The following LIN54 variants were observed in gnomAD, a reference collection of about 807,000 sequenced individuals.
LIN54 encodes lin-54 DREAM MuvB core complex component, also known as protein lin-54 homolog.
In LIN54, 9 loss-of-function variants were observed where a neutral mutation model predicts 78.7. The observed-to-expected ratio is 0.11, with a 90% CI of 0.07 to 0.20. The LOEUF is 0.20. Ranked by LOEUF, LIN54 falls within the 10% of genes least tolerant of loss-of-function variation. The pLI, the probability that LIN54 is intolerant of heterozygous loss-of-function variation, is 1.00. For synonymous variants in LIN54, 269 were observed against 318.4 expected (o/e 0.84, Z 1.65); for missense variants, 573 against 889.9 (o/e 0.64, Z 4.53).
chr4:82,976,738 T>A (rs888013596), intron 3 of LIN54, among the ~76,000 whole-genome samples: 8 of 152,126 alleles, frequency 5.3e-5, no homozygotes, highest in African/African-American at 1.9e-4. Flanking sequence ...GGAAAAAGAC[T>A]GCAGTCTTAG....
At chr4:82,967,950 C>T (rs544615686) in intron 4 of LIN54, among the ~76,000 whole-genome samples, 17 of 152,154 alleles carry the variant, frequency 1.1e-4, no homozygotes, top group Non-Finnish European at 2.1e-4. Context: ...CTCACCTGAA[C>T]GATAGATAAG....
chr4:82,971,760 A>T (rs1335441537), intron 3 of LIN54, among the ~76,000 whole-genome samples: 1 of 152,204 alleles, frequency 6.6e-6, no homozygotes, highest in Admixed American at 6.5e-5. Context: ...GTGAGTTTCT[A>T]GTCACTAAAG....
chr4:82,970,605 T>C, intron 3 of LIN54, 136 bp from the exon 4 acceptor site: 1 of 762,576 alleles, frequency 1.3e-6, no homozygotes, highest in Non-Finnish European at 2.1e-6. Context: ...GAGGCACTAA[T>C]GAACTATGGT....
intron 3 of LIN54, among the ~76,000 whole-genome samples, chr4:82,977,627 G>A (rs933596484): frequency 6.6e-6 from 1 of 152,128 alleles, no homozygotes; most frequent in Non-Finnish European, 1.5e-5. Flanking sequence ...GTTGCCTACC[G>A]CTATGTTGTA....
chr4:82,950,596 A>G (rs185028439), intron 4 of LIN54, among the ~76,000 whole-genome samples: 8 of 152,336 alleles, frequency 5.3e-5, no homozygotes, highest in Admixed American at 2.0e-4. Context: ...AGTTATCTCT[A>G]TTTCCTGAAT....
intron 4 of LIN54, among the ~76,000 whole-genome samples, chr4:82,947,235 A>ATATTTTTTTTTTTT: frequency 7.9e-4 from 35 of 44,290 alleles, no homozygotes; most frequent in East Asian, 3.0e-3. Context: ...ATATATATAT[A>ATATTTTTTTTTTTT]TTTTTTTTTT....
At position 83,010,807 on chromosome 4, in the gene LIN54, C is replaced by A; in HGVS notation, c.-356G>T. On this transcript the variant is annotated 5_prime_UTR_variant, in exon 1 of 13. Transcript: ENST00000340417. ...ACAGCCGGAGCCCGGGCCGCCGCCGCCGCCGCCACCACCAGTAACCTCCCC... is the reference window on the plus strand; with the variant it reads ...ACAGCCGGAGCCCGGGCCGCCGCCGACGCCGCCACCACCAGTAACCTCCCC... The A allele has an allele frequency of 8.1e-7, 1 of 1,234,804 alleles. No homozygotes were observed. Among genetic ancestry groups the A allele is most frequent in the Admixed American group, 4.2e-5 (1 of 23,734 alleles). The allele number at this position is 1,234,804 out of a possible 1,614,324, so 76.5% of individuals were successfully genotyped here.
chr4:82,967,488 A>G (rs1401143606), intron 4 of LIN54, among the ~76,000 whole-genome samples: 1 of 152,236 alleles, frequency 6.6e-6, no homozygotes, highest in African/African-American at 2.4e-5. Flanking sequence ...ACTGGGTTCT[A>G]GAAGTTTCCC....
At chr4:82,971,038 C>T (rs77447614) in intron 3 of LIN54, among the ~76,000 whole-genome samples, 1,828 of 152,234 alleles carry the variant, frequency 0.012, 36 homozygotes, top group African/African-American at 0.042. Context: ...TGGACAAGAC[C>T]CTTCAGGAAC....
chr4:83,009,896 G>A (rs1471142960), intron 1 of LIN54, among the ~76,000 whole-genome samples: 1 of 152,176 alleles, frequency 6.6e-6, no homozygotes, highest in East Asian at 1.9e-4. Context: ...GGCGGGGGCA[G>A]GAGGGTGAGT....
At chr4:83,011,983 GA>G, upstream of LIN54, 13 of 971,784 alleles carry the variant, frequency 1.3e-5, no homozygotes, top group South Asian at 6.2e-4. Flanking sequence ...GAGTAAGGTT[GA>G]AGTTGAAGTT....
intron 11 of LIN54, among the ~76,000 whole-genome samples, chr4:82,935,675 ATAT>A (rs1308818789): frequency 3.9e-5 from 6 of 152,070 alleles, no homozygotes; most frequent in Non-Finnish European, 8.8e-5. Flanking sequence ...ATCCACTTTG[ATAT>A]TATTTTTATT....
chr4:82,937,350 ATTAAT>A, intron 8 of LIN54, 52 bp from the exon 9 acceptor site: 1 of 1,145,918 alleles, frequency 8.7e-7, no homozygotes, highest in Non-Finnish European at 1.2e-6. Flanking sequence ...AGTAACTAAA[ATTAAT>A]TTAGTTGCTA....
chr4:82,994,458 C>T (rs926672479), intron 1 of LIN54, among the ~76,000 whole-genome samples: 3 of 151,482 alleles, frequency 2.0e-5, no homozygotes, highest in East Asian at 1.9e-4. Flanking sequence ...AGTGCAGTGG[C>T]GCAATCTGGG....
intron 1 of LIN54, among the ~76,000 whole-genome samples, chr4:82,992,475 G>C (rs1490017124): frequency 2.6e-5 from 4 of 152,042 alleles, no homozygotes; most frequent in Non-Finnish European, 4.4e-5. Context: ...ATGGGTTTGA[G>C]ACCAGTCGGG....
chr4:82,936,180 C>T, intron 10 of LIN54, 62 bp from the exon 11 acceptor site: 2 of 1,586,570 alleles, frequency 1.3e-6, no homozygotes, highest in Non-Finnish European at 8.6e-7. Flanking sequence ...TTAAACACTG[C>T]AAAAGGAATT....
chr4:82,979,094 C>T, intron 2 of LIN54, 88 bp from the exon 3 acceptor site: 1 of 1,042,698 alleles, frequency 9.6e-7, no homozygotes, highest in Non-Finnish European at 1.4e-6. Context: ...CACAAAGTAG[C>T]ACATGTAAAA....
At chr4:82,971,002 G>A (rs1725601406) in intron 3 of LIN54, among the ~76,000 whole-genome samples, 2 of 152,144 alleles carry the variant, frequency 1.3e-5, no homozygotes, top group Admixed American at 6.5e-5. Context: ...ACCCACCCCG[G>A]CCAGATTCCA....
intron 4 of LIN54, among the ~76,000 whole-genome samples, chr4:82,949,069 C>T (rs930396122): frequency 5.9e-5 from 9 of 152,112 alleles, no homozygotes; most frequent in Admixed American, 6.5e-5. Flanking sequence ...GTTCTATTTT[C>T]AATTTCTTTA....
Sources: allele counts gnomAD v4.1 joint callset (sites outside exome capture counted in the v4.1 genomes callset), GRCh38; gene constraint gnomAD v4.1.1; transcripts MANE v1.5; gene names NCBI Gene and HGNC (gene_info 2026-07-23, HGNC 2026-07-21).